The following CDYL variants were observed in gnomAD, a reference collection of about 807,000 sequenced individuals.
CDYL encodes the protein chromodomain Y-like protein.
Under a neutral mutation model 47.3 loss-of-function variants are expected in CDYL, and 8 were observed. The ratio of observed to expected loss-of-function variants is 0.17; its 90% CI spans 0.10 to 0.31. The LOEUF (loss-of-function observed/expected upper bound fraction) is 0.31. Among genes scored for constraint, CDYL ranks in the 10% least tolerant of loss-of-function variants. The pLI is 1.00. For synonymous variants in CDYL, 266 were observed against 265.0 expected, an observed-to-expected ratio of 1.00 and a Z score of -0.04; for missense variants, 471 against 701.4, an observed-to-expected ratio of 0.67 and a Z score of 3.71.
chr6:4,760,672 C>T (rs996567594), intron 3 of CDYL, among the ~76,000 whole-genome samples: 12 of 152,078 alleles, frequency 7.9e-5, no homozygotes, highest in Admixed American at 7.9e-4. Flanking sequence ...TGGACCTACG[C>T]TATGAGGAAA....
rs768972773 is a variant in CDYL at position 4,908,470 on chromosome 6, T to C, written c.691+16091T>C. Among the ~76,000 whole-genome samples the C allele has an allele frequency of 1.7e-4, 26 of 152,356 alleles. No individual in the cohort carries two copies. The South Asian group carries it at 2.5e-3, about 15-fold the overall frequency. On this transcript the variant is annotated intron_variant, in intron 2 of 6. Transcript: ENST00000397588. ...TGCTTAAGGAAGTATCTAATTTCAC[T>C]GTAGTTTGCTCAGCCTTTAGCTTTG... is the stretch of plus-strand genomic sequence containing the variant.
At chr6:4,894,937 A>ATATGTGTG (rs1312859128) in intron 2 of CDYL, among the ~76,000 whole-genome samples, 5,046 of 26,912 alleles carry the variant, frequency 0.19, 119 homozygotes, top group Non-Finnish European at 0.48. Flanking sequence ...GTATGTGTGT[A>ATATGTGTG]TATGTGTATG....
At chr6:4,768,164 C>T (rs571582188) in intron 3 of CDYL, among the ~76,000 whole-genome samples, 1 of 152,208 alleles carries the variant, frequency 6.6e-6, no homozygotes, top group Admixed American at 6.5e-5. Context: ...AAGCCTGGGA[C>T]CATTTCCAAT....
chr6:4,782,590 G>A (rs185901925), intron 1 of CDYL, among the ~76,000 whole-genome samples: 2 of 152,230 alleles, frequency 1.3e-5, no homozygotes, highest in Admixed American at 1.3e-4. Flanking sequence ...AGGAAGTCTG[G>A]GGAGGGCCTA....
intron 1 of CDYL, among the ~76,000 whole-genome samples, chr6:4,868,846 C>T (rs1761394464): frequency 6.6e-6 from 1 of 152,052 alleles, no homozygotes; most frequent in South Asian, 2.1e-4. Flanking sequence ...TACTGAAATA[C>T]TTGAAATACT....
chr6:4,905,590 T>G (rs1170393095), intron 2 of CDYL, among the ~76,000 whole-genome samples: 1 of 152,164 alleles, frequency 6.6e-6, no homozygotes, highest in East Asian at 1.9e-4. Flanking sequence ...AGTCATAAAA[T>G]TCATGTTTGA....
At chr6:4,756,580 A>T (rs4053259) in intron 3 of CDYL, among the ~76,000 whole-genome samples, 1 of 142,812 alleles carries the variant, frequency 7.0e-6, no homozygotes, top group African/African-American at 2.5e-5. Context: ...TATCGTGTGT[A>T]TGTGTGTGTG....
chr6:4,793,152 T>C (rs978294178), intron 1 of CDYL, among the ~76,000 whole-genome samples: 4 of 152,232 alleles, frequency 2.6e-5, no homozygotes, highest in African/African-American at 9.6e-5. Context: ...CTCTTCCATC[T>C]ACACCCTGGA....
At chr6:4,946,258 G>A (rs1290462913) in intron 5 of CDYL, among the ~76,000 whole-genome samples, 2 of 152,120 alleles carry the variant, frequency 1.3e-5, no homozygotes, top group Non-Finnish European at 2.9e-5. Flanking sequence ...ACAGCAACCT[G>A]CACGCTTCCC....
rs552683673 is a variant in CDYL, at chr6:4,846,160, G to A, written c.25-45553G>A. 2.2e-3 allele frequency among the ~76,000 whole-genome samples: 334 copies of A among 149,874 alleles called. 1 individual carries two copies. The highest frequency in any genetic ancestry group is 8.0e-3 in the African/African-American group (324 of 40,600). ...ATTCTGCGATTGCACCTAAGAATTA[G>A]TTGTCTTTGGGTACTGCCTTCTTAA... On this transcript the variant is annotated intron_variant, in intron 1 of 6. Transcript: ENST00000397588.
chr6:4,875,401 T>C (rs1302178670), intron 1 of CDYL, among the ~76,000 whole-genome samples: 1 of 152,190 alleles, frequency 6.6e-6, no homozygotes, highest in Non-Finnish European at 1.5e-5. Context: ...GGGTATCAAT[T>C]TGGGAAAAAT....
At chr6:4,724,894 C>T (rs1016857383) in intron 2 of CDYL, 14 of 152,192 alleles carry the variant, frequency 9.2e-5, no homozygotes, top group African/African-American at 2.4e-4. Context: ...CCGCTGCTGG[C>T]TCGGGCAGCC....
chr6:4,914,800 A>T (rs1332281621), intron 2 of CDYL, among the ~76,000 whole-genome samples: 3 of 152,210 alleles, frequency 2.0e-5, no homozygotes, highest in Non-Finnish European at 4.4e-5. Flanking sequence ...CCACGCATAG[A>T]GGTGTTTCAG....
At chr6:4,894,086 T>C (rs780680696) in intron 2 of CDYL, among the ~76,000 whole-genome samples, 2 of 152,238 alleles carry the variant, frequency 1.3e-5, no homozygotes, top group Non-Finnish European at 2.9e-5. Flanking sequence ...AGTTTTCTCT[T>C]ACTTAGTTGT....
At chr6:4,950,462 G>A (rs150739564) in intron 5 of CDYL, among the ~76,000 whole-genome samples, 84 of 152,314 alleles carry the variant, frequency 5.5e-4, no homozygotes, top group African/African-American at 1.9e-3. Context: ...CACTTCGTGC[G>A]GCAGCAGCAC....
At chr6:4,807,092 G>A (rs1759391755) in intron 1 of CDYL, among the ~76,000 whole-genome samples, 1 of 152,180 alleles carries the variant, frequency 6.6e-6, no homozygotes, top group African/African-American at 2.4e-5. Context: ...GAGGACACCA[G>A]TCATGTTAGA....
intron 1 of CDYL, among the ~76,000 whole-genome samples, chr6:4,853,919 A>G (rs1007331736): frequency 6.6e-6 from 1 of 152,116 alleles, no homozygotes; most frequent in African/African-American, 2.4e-5. Flanking sequence ...GCTTCTTGGG[A>G]TCCTCCTCCC....
At chr6:4,943,822 T>G in intron 5 of CDYL, 66 bp downstream of exon 5, 1 of 1,246,580 alleles carries the variant, frequency 8.0e-7, no homozygotes, top group East Asian at 2.3e-5. Flanking sequence ...AAATCTAGTT[T>G]GGTTATTGTT....
At chr6:4,860,075 G>T (rs1242399843) in intron 1 of CDYL, among the ~76,000 whole-genome samples, 1 of 151,670 alleles carries the variant, frequency 6.6e-6, no homozygotes, top group Non-Finnish European at 1.5e-5. Flanking sequence ...CTAATTTTTT[G>T]TATTTTTAGT....
Sources: allele counts gnomAD v4.1 joint callset (sites outside exome capture counted in the v4.1 genomes callset), GRCh38; gene constraint gnomAD v4.1.1; transcripts MANE v1.5; gene names NCBI Gene and HGNC (gene_info 2026-07-23, HGNC 2026-07-21).